Variants in PCNX1 observed in about 807,000 individuals in gnomAD.
The protein encoded by PCNX1 is pecanex-like protein 1.
In PCNX1, 78 loss-of-function variants were observed where a neutral mutation model predicts 242.2. The ratio of observed to expected loss-of-function variants is 0.32; its 90% CI spans 0.27 to 0.39. PCNX1 has a LOEUF of 0.39. Among genes scored for constraint, PCNX1 ranks in the 10% least tolerant of loss-of-function variants. The pLI, the probability that PCNX1 is intolerant of heterozygous loss-of-function variation, is 1.00. For missense variants in PCNX1, 2,581 were observed against 2,856.5 expected, an observed-to-expected ratio of 0.90 and a Z score of 2.20; for synonymous variants, 1,024 against 1,032.9, an observed-to-expected ratio of 0.99 and a Z score of 0.17.
At chr14:71,091,222 T>C (rs1323886689) in intron 30 of PCNX1, among the ~76,000 whole-genome samples, 1 of 152,152 alleles carries the variant, frequency 6.6e-6, no homozygotes, top group Non-Finnish European at 1.5e-5. Context: ...GATCGTCACT[T>C]TGAGCAAGAC....
At chr14:71,073,502 T>TC in intron 26 of PCNX1, 43 bp from the exon 27 acceptor site, 1 of 1,554,094 alleles carries the variant, frequency 6.4e-7, no homozygotes, top group Non-Finnish European at 8.7e-7. Context: ...TTTTCCCACT[T>TC]TCTGGTTTTC....
At chr14:71,056,607 G>A (rs1296193213) in intron 25 of PCNX1, among the ~76,000 whole-genome samples, 1 of 151,944 alleles carries the variant, frequency 6.6e-6, no homozygotes, top group Non-Finnish European at 1.5e-5. Context: ...ACAGATTATC[G>A]CTTTGCATGA....
chr14:71,092,392 C>T (rs1271899723), intron 30 of PCNX1, among the ~76,000 whole-genome samples: 1 of 152,134 alleles, frequency 6.6e-6, no homozygotes, highest in Non-Finnish European at 1.5e-5. Flanking sequence ...CAGCTTAAAG[C>T]ATAAGGAAGG....
chr14:71,077,069 T>C (rs561589575), intron 28 of PCNX1, among the ~76,000 whole-genome samples: 1 of 152,350 alleles, frequency 6.6e-6, no homozygotes, highest in Admixed American at 6.5e-5. Context: ...GGGCCCCACC[T>C]GCAAGACTCT....
rs533878542 is a variant in PCNX1, at chr14:70,981,324, A to G, written c.2311+2676A>G. Among the ~76,000 whole-genome samples, 5 of 152,320 alleles carry G rather than the reference A, an allele frequency of 3.3e-5. No homozygotes were observed. In the South Asian group the frequency reaches 1.0e-3, roughly 32 times the overall value. ...AAATTAAAGTAGAAGAAAGTGATTA[A>G]ATGTAGAAATAAACTAGAGATAGTC... On this transcript the variant is annotated intron_variant, in intron 6 of 35. Coordinates refer to ENST00000304743, the MANE Select transcript of PCNX1 (RefSeq NM_014982.3).
At chr14:70,955,141 AT>A (rs1017110678) in intron 2 of PCNX1, among the ~76,000 whole-genome samples, 6 of 152,014 alleles carry the variant, frequency 3.9e-5, no homozygotes, top group African/African-American at 7.2e-5. Context: ...TCAGTCACTA[AT>A]TTTTTTTATA....
chr14:71,043,603 C>T (rs946954989), intron 19 of PCNX1, among the ~76,000 whole-genome samples: 1 of 146,844 alleles, frequency 6.8e-6, no homozygotes, highest in African/African-American at 2.5e-5. Flanking sequence ...TAGATCTAAT[C>T]TATTGTTGAA....
At chr14:70,922,588 T>C (rs2056420647) in intron 1 of PCNX1, among the ~76,000 whole-genome samples, 1 of 152,152 alleles carries the variant, frequency 6.6e-6, no homozygotes, top group Non-Finnish European at 1.5e-5. Flanking sequence ...GTAGTGTATA[T>C]ATACAAACAT....
At chr14:71,053,089 G>A (rs372275788) in intron 24 of PCNX1, among the ~76,000 whole-genome samples, 18 of 152,188 alleles carry the variant, frequency 1.2e-4, no homozygotes, top group African/African-American at 4.3e-4. Flanking sequence ...GGGCTAGTTT[G>A]TAGGTTTGAA....
intron 5 of PCNX1, among the ~76,000 whole-genome samples, chr14:70,973,710 A>G (rs1040494935): frequency 1.3e-5 from 2 of 152,186 alleles, no homozygotes; most frequent in Non-Finnish European, 2.9e-5. Context: ...ATCAATTGAT[A>G]GGGATGATCA....
At chr14:70,983,932 T>C (rs1456094901) in intron 6 of PCNX1, among the ~76,000 whole-genome samples, 1 of 151,436 alleles carries the variant, frequency 6.6e-6, no homozygotes, top group East Asian at 1.9e-4. Context: ...ATGCCTAGAC[T>C]AAAACATTCC....
At chr14:70,960,002 G>A (rs1471279488) in intron 2 of PCNX1, among the ~76,000 whole-genome samples, 16 of 115,106 alleles carry the variant, frequency 1.4e-4, no homozygotes, top group Non-Finnish European at 3.0e-4. Flanking sequence ...ATTTTTTCAT[G>A]TGTTTTTTGG....
intron 28 of PCNX1, among the ~76,000 whole-genome samples, chr14:71,087,641 G>C (rs894484815): frequency 2.6e-5 from 4 of 152,130 alleles, no homozygotes; most frequent in African/African-American, 4.8e-5. Context: ...AGGTGATGTT[G>C]ATACTGCTGG....
intron 2 of PCNX1, among the ~76,000 whole-genome samples, chr14:70,959,035 A>G (rs1462956446): frequency 6.8e-6 from 1 of 147,128 alleles, no homozygotes; most frequent in Non-Finnish European, 1.5e-5. Flanking sequence ...AAAAAAAAAG[A>G]TTATATATAG....
chr14:71,018,505 T>A (rs1268357742), intron 11 of PCNX1, among the ~76,000 whole-genome samples: 1 of 152,002 alleles, frequency 6.6e-6, no homozygotes, highest in Non-Finnish European at 1.5e-5. Flanking sequence ...AGTAAGTGAG[T>A]TTTCTAATTC....
At chr14:71,008,379 G>A (rs767925835) in intron 8 of PCNX1, among the ~76,000 whole-genome samples, 23 of 151,974 alleles carry the variant, frequency 1.5e-4, no homozygotes, top group Admixed American at 1.1e-3. Flanking sequence ...TGTTTTGGCC[G>A]GGCGCAGTGG....
At chr14:70,966,712 A>G (rs1595079771) in intron 3 of PCNX1, among the ~76,000 whole-genome samples, 1 of 152,208 alleles carries the variant, frequency 6.6e-6, no homozygotes, top group African/African-American at 2.4e-5. Context: ...AATGACTACC[A>G]TATCCGTGTT....
chr14:71,106,280 A>C (rs1213337047), intron 33 of PCNX1, among the ~76,000 whole-genome samples: 1 of 152,196 alleles, frequency 6.6e-6, no homozygotes, highest in Admixed American at 6.5e-5. Flanking sequence ...GGCCTCCCAA[A>C]GTGCTGAGAT....
At chr14:71,101,045 C>A (rs2062448772) in intron 30 of PCNX1, among the ~76,000 whole-genome samples, 1 of 152,144 alleles carries the variant, frequency 6.6e-6, no homozygotes, top group African/African-American at 2.4e-5. Flanking sequence ...AGTATTATCT[C>A]ACATATCTCA....
Sources: allele counts gnomAD v4.1 joint callset (sites outside exome capture counted in the v4.1 genomes callset), GRCh38; gene constraint gnomAD v4.1.1; transcripts MANE v1.5; gene names NCBI Gene and HGNC (gene_info 2026-07-23, HGNC 2026-07-21).